The following SLC9A8 variants were observed in gnomAD, a reference collection of about 807,000 sequenced individuals.
SLC9A8 encodes the protein sodium/hydrogen exchanger 8.
A neutral mutation model predicts 66.6 loss-of-function variants in SLC9A8; 48 were observed. The observed-to-expected ratio is 0.72, with a 90% CI of 0.57 to 0.92. The LOEUF is 0.92. SLC9A8 is among the 40% of genes least tolerant of loss of function. SLC9A8 has a pLI of 0.00. For missense variants in SLC9A8, 599 were observed against 747.3 expected, an observed-to-expected ratio of 0.80 and a Z score of 2.31; for synonymous variants, 274 against 282.6, an observed-to-expected ratio of 0.97 and a Z score of 0.31.
intron 11 of SLC9A8, among the ~76,000 whole-genome samples, chr20:49,875,887 ACCATGC>A (rs1484081802): frequency 3.9e-5 from 6 of 152,176 alleles, no homozygotes; most frequent in Admixed American, 3.3e-4. Context: ...GGTGCCCGCC[ACCATGC>A]CTGACTAATT....
chr20:49,843,340 G>C (rs1008431130), intron 4 of SLC9A8, among the ~76,000 whole-genome samples: 2 of 152,124 alleles, frequency 1.3e-5, no homozygotes, highest in African/African-American at 2.4e-5. Flanking sequence ...GCTTGAGCTT[G>C]TTGTACATGC....
chr20:49,817,398 C>T (rs2086590145), intron 2 of SLC9A8, among the ~76,000 whole-genome samples: 3 of 150,646 alleles, frequency 2.0e-5, no homozygotes, highest in Admixed American at 6.6e-5. Flanking sequence ...TTTAATGATA[C>T]CAAAGTCATA....
chr20:49,871,921 C>G (rs1170463324), intron 10 of SLC9A8, among the ~76,000 whole-genome samples: 2 of 152,216 alleles, frequency 1.3e-5, no homozygotes, highest in Admixed American at 6.5e-5. Flanking sequence ...AGAAGGAAGA[C>G]TGGTCCATGT....
chr20:49,814,227 GA>G (rs1395643072), intron 1 of SLC9A8, among the ~76,000 whole-genome samples: 3 of 152,150 alleles, frequency 2.0e-5, no homozygotes, highest in Admixed American at 2.0e-4. Context: ...CACTAACTGA[GA>G]TGTTGGTGAA....
intron 3 of SLC9A8, among the ~76,000 whole-genome samples, chr20:49,825,369 G>A (rs1331165455): frequency 6.6e-6 from 1 of 152,138 alleles, no homozygotes; most frequent in Non-Finnish European, 1.5e-5. Flanking sequence ...GGCCAGGCGC[G>A]GTGGCTTATG....
intron 4 of SLC9A8, among the ~76,000 whole-genome samples, chr20:49,844,663 G>A (rs1226510412): frequency 1.3e-5 from 2 of 148,736 alleles, no homozygotes; most frequent in African/African-American, 4.9e-5. Context: ...AGCCCGGCAT[G>A]GTAGCACGCA....
intron 2 of SLC9A8, among the ~76,000 whole-genome samples, chr20:49,817,930 C>G (rs922997849): frequency 6.6e-6 from 1 of 151,934 alleles, no homozygotes; most frequent in African/African-American, 2.4e-5. Flanking sequence ...ATTAAGAAAT[C>G]TTTAGTAGCT....
chr20:49,818,372 T>C (rs2086628029), intron 2 of SLC9A8, among the ~76,000 whole-genome samples: 1 of 152,190 alleles, frequency 6.6e-6, no homozygotes, highest in South Asian at 2.1e-4. Flanking sequence ...TATGTGGAGG[T>C]TAGCATGTAT....
intron 13 of SLC9A8, among the ~76,000 whole-genome samples, chr20:49,882,679 C>T (rs1287422100): frequency 6.6e-6 from 1 of 152,180 alleles, no homozygotes; most frequent in African/African-American, 2.4e-5. Flanking sequence ...ATCCCTATGC[C>T]TTTGCATCCC....
chr20:49,817,911 C>A (rs1230253569), intron 2 of SLC9A8, among the ~76,000 whole-genome samples: 1 of 152,042 alleles, frequency 6.6e-6, no homozygotes, highest in East Asian at 1.9e-4. Context: ...AAAAGCATTT[C>A]TTTTCTTGAT....
intron 5 of SLC9A8, among the ~76,000 whole-genome samples, chr20:49,847,473 C>T (rs1325606542): frequency 1.3e-5 from 2 of 148,630 alleles, no homozygotes; most frequent in Admixed American, 6.8e-5. Flanking sequence ...TTGAAGATGA[C>T]TTTCCAGCAG....
At chr20:49,874,565 C>G in intron 10 of SLC9A8, 140 bp from the exon 11 acceptor site, 1 of 669,710 alleles carries the variant, frequency 1.5e-6, no homozygotes, top group Non-Finnish European at 2.7e-6. Flanking sequence ...TCTGAAGCCT[C>G]TGGGAGGCTT....
Position 49,886,636 on chromosome 20 carries a change from G to A in SLC9A8, c.1492-116G>A, listed in dbSNP as rs1004959291. On this transcript the variant is annotated intron_variant, in intron 14 of 15. Transcript: ENST00000361573. This position sits in a 1 kb window ranked among gnomAD's most constrained non-coding sequence, Gnocchi z 4.8. ...TGCTGCCCGTCACCCTGCATTGATG[G>A]TCAAGTGGAGTTAGGGTTGGGGACA... The A allele has an allele frequency of 4.8e-6, 6 of 1,247,952 alleles. No homozygotes were observed. In the African/African-American group the frequency reaches 7.5e-5, roughly 16 times the overall value. 77.3% of individuals were successfully genotyped at this position (1,247,952 alleles called of 1,614,324 possible). A position where few individuals can be genotyped will look rare whatever the true frequency, so the allele number is the denominator to read the frequency against.
chr20:49,865,326 T>C (rs1170255315), intron 10 of SLC9A8, among the ~76,000 whole-genome samples: 1 of 152,158 alleles, frequency 6.6e-6, no homozygotes, highest in East Asian at 1.9e-4. Flanking sequence ...CATGAAACCA[T>C]GTACTCAGTG....
chr20:49,824,192 C>G (rs1349616922), intron 3 of SLC9A8, among the ~76,000 whole-genome samples: 1 of 152,188 alleles, frequency 6.6e-6, no homozygotes, highest in African/African-American at 2.4e-5. Flanking sequence ...CCAGGTGATG[C>G]CGTATTTTAA....
chr20:49,830,448 C>T, intron 3 of SLC9A8: 1 of 831,774 alleles, frequency 1.2e-6, no homozygotes, highest in Non-Finnish European at 2.1e-6. Context: ...GGACCTGGTG[C>T]TGGGCCCCAG....
At chr20:49,883,027 C>T (rs1191968590) in intron 13 of SLC9A8, among the ~76,000 whole-genome samples, 1 of 142,704 alleles carries the variant, frequency 7.0e-6, no homozygotes, top group East Asian at 2.5e-4. Flanking sequence ...CCCCCTCCCC[C>T]CACCATCTCT....
chr20:49,860,160 A>G (rs1314511639), intron 8 of SLC9A8, among the ~76,000 whole-genome samples: 1 of 152,172 alleles, frequency 6.6e-6, no homozygotes, highest in Non-Finnish European at 1.5e-5. Context: ...GGCCTTCAAA[A>G]GCACTTTTCC....
intron 3 of SLC9A8, among the ~76,000 whole-genome samples, chr20:49,833,966 A>C (rs2146525425): frequency 6.6e-6 from 1 of 151,972 alleles, no homozygotes; most frequent in South Asian, 2.1e-4. Flanking sequence ...TTTTAAATAT[A>C]AGCTGGGCGC....
Sources: allele counts gnomAD v4.1 joint callset (sites outside exome capture counted in the v4.1 genomes callset), GRCh38; gene constraint gnomAD v4.1.1; non-coding constraint Gnocchi (gnomAD v3.1); transcripts MANE v1.5; gene names NCBI Gene and HGNC (gene_info 2026-07-23, HGNC 2026-07-21).